The following NRP2 variants were observed in gnomAD, a reference collection of about 807,000 sequenced individuals.
The protein encoded by NRP2 is neuropilin 2.
Under a neutral mutation model 110.4 loss-of-function variants are expected in NRP2, and 52 were observed. The observed-to-expected ratio is 0.47, with a 90% CI of 0.38 to 0.59. The LOEUF (loss-of-function observed/expected upper bound fraction) is 0.59. Ranked by LOEUF, NRP2 falls within the 20% of genes least tolerant of loss-of-function variation. NRP2 has a pLI of 0.00. For missense variants in NRP2, 1,049 were observed against 1,203.0 expected (o/e 0.87, Z 1.89); for synonymous variants, 508 against 468.9 (o/e 1.08, Z -1.08).
At chr2:205,718,196 T>C (rs2056939359) in intron 3 of NRP2, among the ~76,000 whole-genome samples, 2 of 152,166 alleles carry the variant, frequency 1.3e-5, no homozygotes, top group Non-Finnish European at 2.9e-5. Flanking sequence ...AAACTCAGCC[T>C]TGGTCTCACA....
At chr2:205,721,935 G>A (rs2057021180) in intron 3 of NRP2, among the ~76,000 whole-genome samples, 1 of 152,080 alleles carries the variant, frequency 6.6e-6, no homozygotes, top group African/African-American at 2.4e-5. Context: ...CCTCCCCTGA[G>A]GCACCTTGGA....
Position 205,683,268 on chromosome 2 carries a change from T to C in NRP2, c.-23T>C, listed in dbSNP as rs779444985. The C allele has an allele frequency of 6.3e-7, 1 of 1,588,342 alleles. No individual in the cohort carries two copies. Among genetic ancestry groups the C allele is most frequent in the East Asian group, 2.2e-5 (1 of 44,742 alleles). On this transcript the variant is annotated 5_prime_UTR_variant, in exon 1 of 17. Transcript: ENST00000357785. ...AACAAGAAACCTACGAACCCAGCTC[T>C]GGAAAGAGCCACCTTCTCCAAAATG...
chr2:205,778,572 C>T (rs1236676057), intron 15 of NRP2: 2 of 152,196 alleles, frequency 1.3e-5, no homozygotes, highest in Non-Finnish European at 2.9e-5. Context: ...CGGCTGTCCA[C>T]ATCCAGTCAT....
At chr2:205,734,941 A>C (rs569646446) in intron 7 of NRP2, among the ~76,000 whole-genome samples, 1 of 152,314 alleles carries the variant, frequency 6.6e-6, no homozygotes, top group Admixed American at 6.5e-5. Flanking sequence ...AGTAGTTCAC[A>C]CCATAGGTAA....
intron 11 of NRP2, chr2:205,752,617 C>G: frequency 1.7e-6 from 1 of 572,330 alleles, no homozygotes; most frequent in Non-Finnish European, 3.1e-6. Context: ...ACTATGGGAA[C>G]CACTGGCAGA....
At chr2:205,776,503 C>G in intron 15 of NRP2, 1 of 1,608,038 alleles carries the variant, frequency 6.2e-7, no homozygotes, top group Non-Finnish European at 8.5e-7. Context: ...TAAGCTAGAG[C>G]AAGACCGTGG....
chr2:205,733,260 C>A (rs571222159), intron 7 of NRP2, among the ~76,000 whole-genome samples: 30 of 152,208 alleles, frequency 2.0e-4, no homozygotes, highest in Non-Finnish European at 4.0e-4. Context: ...CCCGTGGGTG[C>A]TGAACTGTCT....
intron 15 of NRP2, chr2:205,776,790 A>T: frequency 7.3e-7 from 1 of 1,366,796 alleles, no homozygotes; most frequent in Non-Finnish European, 9.5e-7. Context: ...GAAGAGATCC[A>T]CCCCCAAGCA....
At position 205,697,312 on chromosome 2, in the gene NRP2, C is replaced by CTGTG. The variant is rs3072627; in HGVS notation, c.74-202_74-199dup. On this transcript the variant is annotated intron_variant, in intron 1 of 16. Coordinates refer to ENST00000357785, the MANE Select transcript of NRP2 (RefSeq NM_003872.3). ...TGGCCATGTTCTGGAATACTTTCAT[C>CTGTG]TGTGTGTGTGTGTGTGTGTGTGTGT... Among the ~76,000 whole-genome samples the CTGTG allele has an allele frequency of 9.2e-3, 1,263 of 137,928 alleles. 38 individuals carry two copies. Among genetic ancestry groups the CTGTG allele is most frequent in the African/African-American group, 0.034 (1,164 of 34,714 alleles). The allele number at this position is 137,928 out of a possible 152,430, so 90.5% of individuals were successfully genotyped here.
At chr2:205,758,009 G>T (rs1215524687) in intron 12 of NRP2, among the ~76,000 whole-genome samples, 1 of 152,006 alleles carries the variant, frequency 6.6e-6, no homozygotes, top group Non-Finnish European at 1.5e-5. Flanking sequence ...CTTCATGAAA[G>T]CCGGCAGAGT....
intron 3 of NRP2, among the ~76,000 whole-genome samples, chr2:205,721,584 T>C (rs1247582503): frequency 1.3e-5 from 2 of 152,096 alleles, no homozygotes; most frequent in African/African-American, 4.8e-5. Context: ...GCTGTAATCC[T>C]CTTATGAGCT....
intron 8 of NRP2, among the ~76,000 whole-genome samples, chr2:205,740,880 G>A: frequency 6.6e-6 from 1 of 152,206 alleles, no homozygotes; most frequent in East Asian, 1.9e-4. Context: ...TTTATGGAAT[G>A]CTAACTAGGT....
At chr2:205,717,288 C>T (rs1327442148) in intron 3 of NRP2, among the ~76,000 whole-genome samples, 1 of 152,146 alleles carries the variant, frequency 6.6e-6, no homozygotes, top group Admixed American at 6.5e-5. Context: ...CCCCTCTCCC[C>T]CCAGCAGCCC....
chr2:205,767,284 G>T, intron 15 of NRP2: 1 of 399,104 alleles, frequency 2.5e-6, no homozygotes, highest in Non-Finnish European at 5.0e-6. Flanking sequence ...GGGCTTCTGT[G>T]TACAGCCTGC....
intron 2 of NRP2, among the ~76,000 whole-genome samples, chr2:205,715,141 A>G (rs567772996): frequency 6.4e-4 from 97 of 152,314 alleles, no homozygotes; most frequent in African/African-American, 2.2e-3. Flanking sequence ...GAAGTTTCCC[A>G]CCTAAGCAGT....
At chr2:205,690,546 G>A (rs1027884402) in intron 1 of NRP2, among the ~76,000 whole-genome samples, 1 of 149,716 alleles carries the variant, frequency 6.7e-6, no homozygotes, top group Admixed American at 6.7e-5. Flanking sequence ...GACCAGCCTG[G>A]CCAACATAGC....
chr2:205,795,379 T>TTAG lies in NRP2; in HGVS notation c.*323_*324insGTA, dbSNP rs2058343744. The TTAG allele has an allele frequency of 6.6e-6, 1 of 150,788 alleles. No homozygotes were observed. The highest frequency in any genetic ancestry group is 1.5e-5 in the Non-Finnish European group (1 of 68,274). 9.3% of individuals were successfully genotyped at this position (150,788 alleles called of 1,614,324 possible). On this transcript the variant is annotated 3_prime_UTR_variant, in exon 17 of 17. Coordinates refer to ENST00000357785, the MANE Select transcript of NRP2 (RefSeq NM_003872.3). ...TGAGTTTGTATTATTATTATTATTA[T>TTAG]TATTATTATTATATTTTATTTCTTT...
At chr2:205,706,441 C>T (rs1255458380) in intron 2 of NRP2, among the ~76,000 whole-genome samples, 1 of 152,102 alleles carries the variant, frequency 6.6e-6, no homozygotes, top group Non-Finnish European at 1.5e-5. Flanking sequence ...CAGAAGGATT[C>T]GTGATGCAGG....
chr2:205,721,736 C>T (rs1228717530), intron 3 of NRP2, among the ~76,000 whole-genome samples: 1 of 152,184 alleles, frequency 6.6e-6, no homozygotes, highest in Non-Finnish European at 1.5e-5. Flanking sequence ...CACAAAGGAG[C>T]CAGAAGCCTT....
Sources: allele counts gnomAD v4.1 joint callset (sites outside exome capture counted in the v4.1 genomes callset), GRCh38; gene constraint gnomAD v4.1.1; transcripts MANE v1.5; gene names NCBI Gene and HGNC (gene_info 2026-07-23, HGNC 2026-07-21).